The following BBOX1 variants were observed in gnomAD, a reference collection of about 807,000 sequenced individuals.
BBOX1 encodes gamma-butyrobetaine dioxygenase.
A neutral mutation model predicts 41.6 loss-of-function variants in BBOX1; 35 were observed. The ratio of observed to expected loss-of-function variants is 0.84; its 90% confidence interval spans 0.64 to 1.11. The LOEUF is 1.11. Among genes scored for constraint, BBOX1 ranks in the 50% most tolerant of loss-of-function variants. The pLI, the probability that BBOX1 is intolerant of heterozygous loss-of-function variation, is 0.00. For synonymous variants in BBOX1, 163 were observed against 154.7 expected (o/e 1.05, Z -0.40); for missense variants, 458 against 460.6 (o/e 0.99, Z 0.05).
At chr11:27,077,113 T>G in intron 4 of BBOX1, among the ~76,000 whole-genome samples, 1 of 152,082 alleles carries the variant, frequency 6.6e-6, no homozygotes, top group Admixed American at 6.5e-5. Context: ...TGTCTGCACT[T>G]GAGATTATAT....
intron 5 of BBOX1, among the ~76,000 whole-genome samples, chr11:27,102,345 C>T (rs1306809610): frequency 6.6e-6 from 1 of 151,878 alleles, no homozygotes; most frequent in Non-Finnish European, 1.5e-5. Flanking sequence ...TACAGAAAGT[C>T]GCATAAAATA....
In BBOX1 at chr11:27,070,812, C is replaced by T. The variant is rs115158053; in HGVS notation, c.334+13497C>T. 4.3e-3 allele frequency among the ~76,000 whole-genome samples: 658 copies of T among 151,482 alleles called. 8 individuals are homozygous for T. Among genetic ancestry groups the T allele is most frequent in the African/African-American group, 0.014 (597 of 41,270 alleles). On this transcript the variant is annotated intron_variant, in intron 4 of 8. Transcript: ENST00000263182. ...ATGTCGAGATGTGAGATACTTTCTC[C>T]GTCATCATGTTGATTGTTACCTACT...
intron 8 of BBOX1, 158 bp downstream of exon 8, chr11:27,125,978 T>TG (rs1859637047): frequency 1.3e-5 from 9 of 685,574 alleles, no homozygotes; most frequent in Non-Finnish European, 1.9e-5. Flanking sequence ...AGTGGACTCG[T>TG]GGCCCTCATT....
chr11:27,115,660 T>C (rs941153543), intron 6 of BBOX1, 103 bp downstream of exon 6: 1 of 1,010,240 alleles, frequency 9.9e-7, no homozygotes, highest in Non-Finnish European at 1.4e-6. Context: ...AGTTTGTCTT[T>C]TATAAATTTT....
intron 7 of BBOX1, among the ~76,000 whole-genome samples, chr11:27,120,287 G>C (rs1328120893): frequency 6.6e-6 from 1 of 152,108 alleles, no homozygotes; most frequent in Non-Finnish European, 1.5e-5. Context: ...GAAGCTCCAA[G>C]ATTTCATTTT....
chr11:27,083,191 T>C (rs1857911604), intron 4 of BBOX1, among the ~76,000 whole-genome samples: 1 of 152,094 alleles, frequency 6.6e-6, no homozygotes, highest in African/African-American at 2.4e-5. Flanking sequence ...GAGCCTCTAG[T>C]CATCATTAGG....
intron 5 of BBOX1, among the ~76,000 whole-genome samples, chr11:27,109,088 A>G (rs555037944): frequency 5.3e-4 from 80 of 152,194 alleles, no homozygotes; most frequent in African/African-American, 1.9e-3. Context: ...GAGGAAGCGG[A>G]ATTCTGTATT....
chr11:27,057,018 A>T (rs1857000273), intron 3 of BBOX1, among the ~76,000 whole-genome samples, 183 bp from the exon 4 acceptor site: 1 of 132,294 alleles, frequency 7.6e-6, no homozygotes, highest in Non-Finnish European at 1.6e-5. Context: ...GTGAGCCGAG[A>T]TTGCGCCACT....
chr11:27,065,196 T>C (rs1417611831), intron 4 of BBOX1, among the ~76,000 whole-genome samples: 3 of 152,208 alleles, frequency 2.0e-5, no homozygotes, highest in African/African-American at 7.2e-5. Context: ...ATCTCTTTCA[T>C]TGCCATAATT....
At chr11:27,086,733 T>C (rs1644353490) in intron 4 of BBOX1, among the ~76,000 whole-genome samples, 1 of 152,156 alleles carries the variant, frequency 6.6e-6, no homozygotes, top group South Asian at 2.1e-4. Flanking sequence ...CCACAGATAG[T>C]GTTTCCTCTG....
intron 4 of BBOX1, among the ~76,000 whole-genome samples, chr11:27,077,055 G>A (rs888452872): frequency 3.3e-5 from 5 of 152,030 alleles, no homozygotes; most frequent in African/African-American, 9.7e-5. Context: ...CTGCACCTGT[G>A]GCAGCAGCAC....
chr11:27,126,699 G>A (rs1859668668), intron 8 of BBOX1, among the ~76,000 whole-genome samples: 2 of 144,232 alleles, frequency 1.4e-5, no homozygotes, highest in Admixed American at 1.4e-4. Context: ...TTTTTGAGAC[G>A]GAGTCTTGCT....
rs187392874 is a variant in BBOX1 at position 27,109,025 on chromosome 11, T to C, written c.534-6427T>C. On this transcript the variant is annotated intron_variant, in intron 5 of 8. Transcript: ENST00000263182. ...TTAGAATTGGCACTGGTTTCGTTGA[T>C]GGTAGGAGATCAAAAGTATTTGTTG... is the stretch of plus-strand genomic sequence containing the variant. 2.0e-5 allele frequency among the ~76,000 whole-genome samples: 3 copies of C among 152,186 alleles called. No individual in the cohort carries two copies. In the East Asian group the frequency reaches 5.8e-4, roughly 30 times the overall value.
intron 7 of BBOX1, among the ~76,000 whole-genome samples, chr11:27,121,624 T>C (rs886834223): frequency 6.6e-5 from 10 of 152,092 alleles, no homozygotes; most frequent in Admixed American, 6.6e-4. Flanking sequence ...TCGTGAAAGA[T>C]TGGAGGAAGT....
intron 4 of BBOX1, among the ~76,000 whole-genome samples, chr11:27,081,719 T>C (rs1857843073): frequency 6.6e-6 from 1 of 152,172 alleles, no homozygotes. Flanking sequence ...TAGCATCTGT[T>C]GTTTCCTGAC....
At chr11:27,095,601 T>A (rs567183194) in intron 5 of BBOX1, among the ~76,000 whole-genome samples, 1 of 152,054 alleles carries the variant, frequency 6.6e-6, no homozygotes, top group African/African-American at 2.4e-5. Flanking sequence ...TCTCTCAAAT[T>A]ATGTGCATGC....
chr11:27,122,673 C>CAAAT (rs1859508173), intron 7 of BBOX1, among the ~76,000 whole-genome samples: 1 of 152,102 alleles, frequency 6.6e-6, no homozygotes, highest in Admixed American at 6.5e-5. Flanking sequence ...ATTCCCACAA[C>CAAAT]AAATACAACA....
intron 5 of BBOX1, among the ~76,000 whole-genome samples, chr11:27,102,285 G>A (rs1007529813): frequency 2.6e-5 from 4 of 152,074 alleles, no homozygotes; most frequent in African/African-American, 7.2e-5. Context: ...GGAGAAAAGT[G>A]AGGTTTGTGT....
chr11:27,067,576 A>G (rs1033170984), intron 4 of BBOX1, among the ~76,000 whole-genome samples: 21 of 151,968 alleles, frequency 1.4e-4, no homozygotes, highest in Non-Finnish European at 2.6e-4. Flanking sequence ...CTAAAAATAC[A>G]GAAATTAGCC....
Sources: gnomAD v4.1 joint callset for allele counts (sites outside exome capture counted in the v4.1 genomes callset) on GRCh38, gnomAD v4.1.1 for gene constraint, MANE v1.5 for transcripts, NCBI Gene and HGNC (gene_info 2026-07-23, HGNC 2026-07-21) for gene names.